Variants in CDKN2B-AS1 observed in about 807,000 individuals in gnomAD.
CDKN2B-AS1 encodes the protein CDKN2B and CDKN2A antisense cis and trans regulatory RNA 1.
At chr9:22,071,417 C>T (rs189781809) in intron 4 of CDKN2B-AS1, among the ~76,000 whole-genome samples, 4 of 145,392 alleles carry the variant, frequency 2.8e-5, no homozygotes, top group African/African-American at 5.1e-5. Flanking sequence ...CCTAAGTATA[C>T]GAGTACCTAG....
intron 3 of CDKN2B-AS1, among the ~76,000 whole-genome samples, chr9:22,051,916 T>C (rs943944793): frequency 6.6e-6 from 1 of 152,186 alleles, no homozygotes; most frequent in Non-Finnish European, 1.5e-5. Context: ...AGGAAGTTTT[T>C]CTTGTGTTAG....
intron 4 of CDKN2B-AS1, among the ~76,000 whole-genome samples, chr9:22,087,339 T>C (rs938862486): frequency 5.3e-5 from 8 of 152,202 alleles, no homozygotes; most frequent in Admixed American, 4.6e-4. Context: ...GAGGATACAA[T>C]TACATGCTAC....
At chr9:22,115,592 C>T (rs1825928897) in intron 4 of CDKN2B-AS1, among the ~76,000 whole-genome samples, 1 of 152,094 alleles carries the variant, frequency 6.6e-6, no homozygotes, top group African/African-American at 2.4e-5. Flanking sequence ...TTCACTTAAG[C>T]TGCCCTAGTT....
At position 22,005,077 on chromosome 9, in the gene CDKN2B-AS1, A is replaced by C. The variant is rs1821097383; in HGVS notation, n.29+9916A>C. On this transcript the variant is annotated intron_variant and non_coding_transcript_variant, in intron 1 of 4. Transcript: ENST00000650946. This position sits in a 1 kb window ranked among gnomAD's most constrained non-coding sequence, Gnocchi z 4.9. ...AGTACAAAATATCACAAAATCAAAA[A>C]GTAGCAAGTCATAAGGGGATTTCCG... 1 of 233,112 alleles carries C rather than the reference A, an allele frequency of 4.3e-6. No individual in the cohort carries two copies. Among genetic ancestry groups the C allele is most frequent in the Admixed American group, 5.6e-5 (1 of 17,782 alleles). The allele number at this position is 233,112 out of a possible 1,614,324, so 14.4% of individuals were successfully genotyped here.
chr9:22,094,627 C>T (rs1825211696), intron 4 of CDKN2B-AS1, among the ~76,000 whole-genome samples: 2 of 144,462 alleles, frequency 1.4e-5, no homozygotes, highest in South Asian at 4.2e-4. Context: ...CTTGTGCATT[C>T]GTCATGTAGT....
intron 3 of CDKN2B-AS1, among the ~76,000 whole-genome samples, chr9:22,050,068 A>G (rs1823281361): frequency 6.6e-6 from 1 of 152,118 alleles, no homozygotes. Flanking sequence ...TAACCAGTTG[A>G]TTGCTAAGTC....
At chr9:22,053,373 A>G (rs1823433793) in intron 3 of CDKN2B-AS1, among the ~76,000 whole-genome samples, 1 of 152,216 alleles carries the variant, frequency 6.6e-6, no homozygotes, top group African/African-American at 2.4e-5. Flanking sequence ...TGGGGGCAAC[A>G]TTGTGCAAGT....
chr9:22,020,376 C>T (rs1022743480), intron 1 of CDKN2B-AS1, among the ~76,000 whole-genome samples: 9 of 152,040 alleles, frequency 5.9e-5, no homozygotes, highest in Non-Finnish European at 1.3e-4. Flanking sequence ...GATTTATATT[C>T]CTTTGGGTGT....
chr9:22,078,516 T>G (rs934283163), intron 4 of CDKN2B-AS1, among the ~76,000 whole-genome samples: 1 of 152,244 alleles, frequency 6.6e-6, no homozygotes, highest in African/African-American at 2.4e-5. Flanking sequence ...GCATTCAATT[T>G]GAACAAGAGG....
chr9:22,011,965 A>G (rs1235333322), intron 1 of CDKN2B-AS1, among the ~76,000 whole-genome samples: 2 of 152,266 alleles, frequency 1.3e-5, no homozygotes, highest in South Asian at 2.1e-4. Context: ...AAATTGGCAT[A>G]GAATTTTGGA....
intron 1 of CDKN2B-AS1, chr9:22,009,364 C>T (rs900716967): frequency 2.2e-5 from 8 of 371,436 alleles, no homozygotes; most frequent in East Asian, 1.5e-4. Flanking sequence ...GGCGTCTCCC[C>T]ACCCCCTTAG....
chr9:22,067,376 C>T (rs963806740), intron 4 of CDKN2B-AS1, among the ~76,000 whole-genome samples: 6 of 152,090 alleles, frequency 3.9e-5, no homozygotes, highest in Admixed American at 3.9e-4. Flanking sequence ...TGTGTGTTCA[C>T]AATGAGGATA....
chr9:22,087,928 T>C (rs1470934850), intron 4 of CDKN2B-AS1, among the ~76,000 whole-genome samples: 5 of 152,250 alleles, frequency 3.3e-5, no homozygotes, highest in African/African-American at 4.8e-5. Flanking sequence ...ATGAAGACTC[T>C]GAGCTTGTGG....
intron 4 of CDKN2B-AS1, among the ~76,000 whole-genome samples, chr9:22,072,683 A>G (rs1824344226): frequency 6.6e-6 from 1 of 152,262 alleles, no homozygotes; most frequent in African/African-American, 2.4e-5. Context: ...TTTTAGTGAC[A>G]TATTAGACTC....
rs1344789204 is a variant in CDKN2B-AS1 at position 22,005,527 on chromosome 9, G to A, written n.29+10366G>A. On this transcript the variant is annotated intron_variant and non_coding_transcript_variant, in intron 1 of 4. Transcript: ENST00000650946. The surrounding 1 kb of genome is among the most constrained non-coding windows in gnomAD (Gnocchi z 4.9). ...TTTCTGCCGCTAGGGCCTAAGTTGT[G>A]GGTTCACCATAACTCCTCAGCAGAC... The A allele has an allele frequency of 3.2e-6, 1 of 309,490 alleles. No homozygotes were observed. Among genetic ancestry groups the A allele is most frequent in the East Asian group, 5.0e-5 (1 of 20,154 alleles). The allele number at this position is 309,490 out of a possible 1,614,324, so 19.2% of individuals were successfully genotyped here.
chr9:22,009,040 T>G (rs967037270), intron 1 of CDKN2B-AS1: 2 of 1,578,136 alleles, frequency 1.3e-6, no homozygotes, highest in Non-Finnish European at 8.7e-7. Context: ...CCCACGCTGC[T>G]CCGGCGCACT....
chr9:22,108,712 A>G (rs2131364702), intron 4 of CDKN2B-AS1, among the ~76,000 whole-genome samples: 1 of 152,330 alleles, frequency 6.6e-6, no homozygotes, highest in South Asian at 2.1e-4. Flanking sequence ...AATGGATTAT[A>G]TTTAATTGTC....
intron 4 of CDKN2B-AS1, among the ~76,000 whole-genome samples, chr9:22,112,994 G>T (rs1487608272): frequency 2.0e-5 from 3 of 152,178 alleles, no homozygotes; most frequent in African/African-American, 7.2e-5. Flanking sequence ...GGGGTGATGT[G>T]ATAAAAATAG....
chr9:22,085,298 C>A (rs1824829777), intron 4 of CDKN2B-AS1, among the ~76,000 whole-genome samples: 1 of 152,102 alleles, frequency 6.6e-6, no homozygotes, highest in Admixed American at 6.5e-5. Flanking sequence ...GCAAGCTTAC[C>A]CTCAAGGTAT....
Sources: gnomAD v4.1 joint callset for allele counts (sites outside exome capture counted in the v4.1 genomes callset) on GRCh38, gnomAD v4.1.1 for gene constraint, Gnocchi (gnomAD v3.1) non-coding constraint, MANE v1.5 for transcripts, NCBI Gene and HGNC (gene_info 2026-07-23, HGNC 2026-07-21) for gene names.